Variants in DMD observed in about 807,000 individuals in gnomAD.
The protein encoded by DMD is dystrophin, also known as mutant dystrophin.
DMD carries 63 observed loss-of-function variants against 330.1 expected under a neutral mutation model. That is an observed-to-expected ratio of 0.19 (90% CI 0.16 to 0.24). DMD has a LOEUF of 0.24. DMD is among the 10% of genes least tolerant of loss of function. The pLI, the probability that DMD is intolerant of heterozygous loss-of-function variation, is 1.00. For synonymous variants in DMD, 1,223 were observed against 959.8 expected (o/e 1.27, Z -5.07); for missense variants, 3,344 against 2,684.1 (o/e 1.25, Z -5.43).
chrX:32,735,431 G>A (rs750504943), intron 7 of DMD, among the ~76,000 whole-genome samples: 2 of 110,670 alleles, frequency 1.8e-5, no homozygotes, highest in African/African-American at 3.3e-5. Flanking sequence ...AGTTGATATG[G>A]AACCAAAAAA....
chrX:32,465,817 C>T, intron 23 of DMD, among the ~76,000 whole-genome samples: 1 of 110,643 alleles, frequency 9.0e-6, no homozygotes, highest in South Asian at 3.8e-4. Flanking sequence ...ATCTCTTGAC[C>T]TCGTGATCTA....
chrX:33,009,351 CAT>C lies in DMD; in HGVS notation c.93+10786_93+10787del, dbSNP rs1491147098. On this transcript the variant is annotated intron_variant, in intron 2 of 78. Coordinates refer to ENST00000357033, the MANE Select transcript of DMD (RefSeq NM_004006.3). ...ATGTGTATATACACGTGTATATACA[CAT>C]GTGTGTATATGTGTATATGTGTATA... is the stretch of plus-strand genomic sequence containing the variant. Among the ~76,000 whole-genome samples the C allele has an allele frequency of 3.6e-4, 9 of 25,073 alleles. 1 individual carries two copies. The highest frequency in any genetic ancestry group is 1.1e-3 in the African/African-American group (6 of 5,711). The allele number at this position is 25,073 out of a possible 115,157, so 21.8% of individuals were successfully genotyped here. A position where few individuals can be genotyped will look rare whatever the true frequency, so the allele number is the denominator to read the frequency against.
chrX:31,123,217 G>GACTT (rs200640884), intron 78 of DMD, among the ~76,000 whole-genome samples: 2,305 of 111,865 alleles, frequency 0.021, 41 homozygotes, highest in African/African-American at 0.065. Context: ...ATCAACTGAA[G>GACTT]ACTTACTTAT....
At chrX:32,398,358 T>C (rs951051090) in intron 30 of DMD, among the ~76,000 whole-genome samples, 9 of 107,621 alleles carry the variant, frequency 8.4e-5, no homozygotes, top group African/African-American at 3.0e-4. Context: ...AAATATGCAA[T>C]AGGCCAAAGG....
At chrX:32,859,601 G>A (rs1039627269) in intron 2 of DMD, among the ~76,000 whole-genome samples, 4 of 110,703 alleles carry the variant, frequency 3.6e-5, no homozygotes, top group African/African-American at 1.3e-4. Flanking sequence ...CATCCCTGTG[G>A]GAGTGCAAGT....
intron 1 of DMD, among the ~76,000 whole-genome samples, chrX:33,247,166 T>A (rs184627331): frequency 2.0e-4 from 22 of 111,866 alleles, no homozygotes; most frequent in African/African-American, 7.1e-4. Flanking sequence ...TCAAGTCACA[T>A]CACATGTAGT....
intron 47 of DMD, among the ~76,000 whole-genome samples, chrX:31,892,784 A>T (rs1033317164): frequency 8.9e-6 from 1 of 112,046 alleles, no homozygotes; most frequent in Non-Finnish European, 1.9e-5. Context: ...CTGTATTATA[A>T]TCCTATTAGA....
At chrX:31,287,203 C>T (rs1046173125) in intron 62 of DMD, among the ~76,000 whole-genome samples, 15 of 112,236 alleles carry the variant, frequency 1.3e-4, no homozygotes, top group African/African-American at 4.9e-4. Flanking sequence ...GTAACGTACA[C>T]AGGTTGAACA....
At chrX:31,228,498 A>G (rs1384980757) in intron 63 of DMD, among the ~76,000 whole-genome samples, 1 of 111,475 alleles carries the variant, frequency 9.0e-6, no homozygotes, top group Non-Finnish European at 1.9e-5. Flanking sequence ...GCTGGAAGAG[A>G]TAAGTCTCTG....
intron 13 of DMD, among the ~76,000 whole-genome samples, chrX:32,586,261 C>T (rs1302659080): frequency 9.1e-6 from 1 of 109,757 alleles, no homozygotes; most frequent in Non-Finnish European, 1.9e-5. Flanking sequence ...TGAACAGTGT[C>T]GTTCTAGAAA....
rs551424490 is a variant in DMD at position 32,545,858 on chromosome X, G to A, written c.1993-524C>T. 2.6e-4 allele frequency among the ~76,000 whole-genome samples: 29 copies of A among 110,515 alleles called. No homozygotes were observed. The South Asian group carries it at 0.011, about 42-fold the overall frequency. The stretch of plus-strand genomic sequence containing the variant: ...TGAACGACTCTTTAATCAAATAAGT[G>A]AAACAGCTTTTAAAATTACAATAAA... On this transcript the variant is annotated intron_variant, in intron 16 of 78. Transcript: ENST00000357033.
intron 6 of DMD, among the ~76,000 whole-genome samples, chrX:32,810,063 C>A (rs887091163): frequency 9.1e-6 from 1 of 109,857 alleles, no homozygotes; most frequent in Non-Finnish European, 1.9e-5. Context: ...GTTGAGGGTT[C>A]AGTGAACCAT....
In DMD at chrX:31,557,560, T is replaced by C. The variant is rs1160056354; in HGVS notation, c.8218-50107A>G. 1.2e-4 allele frequency among the ~76,000 whole-genome samples: 13 copies of C among 111,875 alleles called. No homozygotes were observed. In the Admixed American group the frequency reaches 1.2e-3, roughly 11 times the overall value. On this transcript the variant is annotated intron_variant, in intron 55 of 78. Coordinates refer to ENST00000357033, the MANE Select transcript of DMD (RefSeq NM_004006.3). Reference sequence around the variant, plus strand: ...CACTCTAGGCTCTAGAGGCCAAGGGTTTTATCATTTTCATCCTTAAATCTA... The same window carrying C: ...CACTCTAGGCTCTAGAGGCCAAGGGCTTTATCATTTTCATCCTTAAATCTA...
At chrX:31,794,836 T>C (rs5971597) in intron 50 of DMD, among the ~76,000 whole-genome samples, 13,346 of 110,672 alleles carry the variant, frequency 0.12, 616 homozygotes, top group South Asian at 0.18. Context: ...TATGATTGCG[T>C]CAAAGATCAA....
intron 67 of DMD, among the ~76,000 whole-genome samples, chrX:31,185,997 T>C (rs2041739116): frequency 8.9e-6 from 1 of 111,945 alleles, no homozygotes; most frequent in African/African-American, 3.2e-5. Flanking sequence ...CAAAGCCAAG[T>C]TGCTTCTCTT....
At chrX:32,398,815 G>A (rs2098065093) in intron 30 of DMD, among the ~76,000 whole-genome samples, 1 of 111,549 alleles carries the variant, frequency 9.0e-6, no homozygotes, top group Admixed American at 9.6e-5. Context: ...TGAAACTGGA[G>A]GAATCACTTT....
At chrX:32,671,710 C>G (rs2061646672) in intron 9 of DMD, among the ~76,000 whole-genome samples, 1 of 111,932 alleles carries the variant, frequency 8.9e-6, no homozygotes, top group African/African-American at 3.2e-5. Context: ...AGATAAAGAG[C>G]TTCATTTTAT....
At chrX:31,483,784 A>T (rs1237562983) in intron 57 of DMD, among the ~76,000 whole-genome samples, 1 of 112,353 alleles carries the variant, frequency 8.9e-6, no homozygotes, top group Non-Finnish European at 1.9e-5. Flanking sequence ...TGGTTCAAGG[A>T]GGTCAGAGGT....
chrX:32,785,540 T>C lies in DMD; in HGVS notation c.649+23953A>G, dbSNP rs761490831. On this transcript the variant is annotated intron_variant, in intron 7 of 78. Coordinates refer to ENST00000357033, the MANE Select transcript of DMD (RefSeq NM_004006.3). ...AGGAGTATTATCATTTCTATTATAATGATTTTGCTTAAAATGTACATTTCT... is the reference window on the plus strand; with the variant it reads ...AGGAGTATTATCATTTCTATTATAACGATTTTGCTTAAAATGTACATTTCT... Among the ~76,000 whole-genome samples the C allele has an allele frequency of 4.5e-5, 5 of 111,577 alleles. No individual in the cohort carries two copies. In the South Asian group the frequency reaches 1.9e-3, roughly 42 times the overall value.
Sources: allele counts gnomAD v4.1 joint callset (sites outside exome capture counted in the v4.1 genomes callset), GRCh38; gene constraint gnomAD v4.1.1; transcripts MANE v1.5; gene names NCBI Gene and HGNC (gene_info 2026-07-23, HGNC 2026-07-21).